BORCS5: variants seen among roughly 807,000 people sequenced by gnomAD.
The protein encoded by BORCS5 is BLOC-1-related complex subunit 5.
Under a neutral mutation model 22.1 loss-of-function variants are expected in BORCS5, and 17 were observed. The observed-to-expected ratio is 0.77, with a 90% confidence interval of 0.53 to 1.15. The LOEUF (loss-of-function observed/expected upper bound fraction) is 1.15, where lower values mean the gene tolerates loss of function less well. Ranked by LOEUF, BORCS5 falls within the 50% of genes most tolerant of loss-of-function variation. BORCS5 has a pLI of 0.00. For synonymous variants in BORCS5, 117 were observed against 99.8 expected, an observed-to-expected ratio of 1.17 and a Z score of -1.03; for missense variants, 247 against 253.2, an observed-to-expected ratio of 0.98 and a Z score of 0.17.
intron 1 of BORCS5, among the ~76,000 whole-genome samples, chr12:12,359,716 G>A (rs571366259): frequency 6.3e-4 from 95 of 151,412 alleles, no homozygotes; most frequent in African/African-American, 2.1e-3. Context: ...CTCGGGAATA[G>A]GCCAGTCATT....
intron 2 of BORCS5, among the ~76,000 whole-genome samples, chr12:12,374,213 G>A (rs187525790): frequency 0.019 from 2,882 of 151,474 alleles, 93 homozygotes; most frequent in African/African-American, 0.064. Flanking sequence ...GGATGGTCTC[G>A]ATCTCCTGAC....
intron 1 of BORCS5, among the ~76,000 whole-genome samples, chr12:12,358,090 A>C (rs1280195220): frequency 6.6e-6 from 1 of 152,206 alleles, no homozygotes; most frequent in Non-Finnish European, 1.5e-5. Flanking sequence ...AGACTTCTCT[A>C]AGCGTTTGAG....
intron 2 of BORCS5, among the ~76,000 whole-genome samples, chr12:12,369,839 C>T (rs1249349156): frequency 6.8e-6 from 1 of 148,114 alleles, no homozygotes; most frequent in Non-Finnish European, 1.5e-5. Flanking sequence ...ATTCTTGTGC[C>T]TCAGCCTCCC....
chr12:12,416,564 C>G (rs1407210050), intron 2 of BORCS5, among the ~76,000 whole-genome samples: 1 of 151,958 alleles, frequency 6.6e-6, no homozygotes, highest in East Asian at 1.9e-4. Context: ...CTACCTCAGC[C>G]TCCCAGTAAC....
intron 2 of BORCS5, among the ~76,000 whole-genome samples, chr12:12,393,642 C>G (rs1365453849): frequency 6.8e-6 from 1 of 147,742 alleles, no homozygotes. Flanking sequence ...GCCTCAACCT[C>G]CTGAGTAGCT....
chr12:12,377,367 A>G (rs777045999), intron 2 of BORCS5, among the ~76,000 whole-genome samples: 3 of 151,712 alleles, frequency 2.0e-5, no homozygotes, highest in Admixed American at 6.6e-5. Context: ...TTTAGTAGAG[A>G]TGGTTTTCAC....
chr12:12,424,930 T>C (rs1042692732), intron 2 of BORCS5, among the ~76,000 whole-genome samples: 1 of 152,330 alleles, frequency 6.6e-6, no homozygotes, highest in South Asian at 2.1e-4. Context: ...AAAAAAATGC[T>C]GCCCCCTTTA....
intron 3 of BORCS5, among the ~76,000 whole-genome samples, chr12:12,448,774 G>A (rs985254885): frequency 1.3e-5 from 2 of 151,958 alleles, no homozygotes; most frequent in Admixed American, 6.6e-5. Flanking sequence ...TGATCCTCCC[G>A]CCTCAGACTC....
intron 2 of BORCS5, among the ~76,000 whole-genome samples, chr12:12,409,628 A>T (rs977800326): frequency 6.6e-6 from 1 of 152,088 alleles, no homozygotes; most frequent in African/African-American, 2.4e-5. Context: ...CCAGTCTATC[A>T]TTGTTGGACA....
intron 3 of BORCS5, among the ~76,000 whole-genome samples, chr12:12,445,517 A>ATTTTTTTT (rs1942768077): frequency 5.2e-5 from 2 of 38,544 alleles, no homozygotes; most frequent in African/African-American, 1.2e-4. Context: ...TTTTTTTTTC[A>ATTTTTTTT]ATTTGAAATA....
At chr12:12,452,745 G>A (rs990583094) in intron 3 of BORCS5, among the ~76,000 whole-genome samples, 3 of 152,230 alleles carry the variant, frequency 2.0e-5, no homozygotes, top group Admixed American at 6.5e-5. Flanking sequence ...CATTGTGCTA[G>A]AGAGAGGCGT....
At chr12:12,451,218 G>A (rs1018888021) in intron 3 of BORCS5, among the ~76,000 whole-genome samples, 21 of 151,542 alleles carry the variant, frequency 1.4e-4, no homozygotes, top group African/African-American at 5.1e-4. Flanking sequence ...TTGAGTCAGA[G>A]GGTTGTAAAA....
At chr12:12,363,705 C>T (rs1052607190) in intron 2 of BORCS5, among the ~76,000 whole-genome samples, 5 of 151,812 alleles carry the variant, frequency 3.3e-5, no homozygotes, top group Admixed American at 1.3e-4. Flanking sequence ...CCACTGCACT[C>T]CAGCCTGGGT....
At chr12:12,435,225 T>G (rs1370936872) in intron 2 of BORCS5, among the ~76,000 whole-genome samples, 1 of 152,234 alleles carries the variant, frequency 6.6e-6, no homozygotes, top group African/African-American at 2.4e-5. Context: ...TATTCCCACA[T>G]TTTCAATTAA....
intron 3 of BORCS5, among the ~76,000 whole-genome samples, chr12:12,462,839 T>TA (rs1592145736): frequency 6.6e-6 from 1 of 152,022 alleles, no homozygotes; most frequent in East Asian, 1.9e-4. Flanking sequence ...TGTATTTTAA[T>TA]AGAGACGGAG....
At chr12:12,377,754 G>A (rs1863687194) in intron 2 of BORCS5, among the ~76,000 whole-genome samples, 1 of 152,146 alleles carries the variant, frequency 6.6e-6, no homozygotes, top group South Asian at 2.1e-4. Flanking sequence ...AGAGCTAGCG[G>A]TAGTGATCAA....
rs140147014 is a variant in BORCS5 at position 12,437,971 on chromosome 12, C to T, written c.360+2186C>T. The stretch of plus-strand genomic sequence containing the variant: ...TTCAAACTCCTCAGCTCAAGCGATC[C>T]TCCCGCCTCTGCCTCCCAAAGCACT... On this transcript the variant is annotated intron_variant, in intron 3 of 3. Transcript: ENST00000314565. Among the ~76,000 whole-genome samples, 931 of 152,156 alleles carry T rather than the reference C, an allele frequency of 6.1e-3. 10 individuals are homozygous for T. Among genetic ancestry groups the T allele is most frequent in the African/African-American group, 0.021 (884 of 41,498 alleles).
At chr12:12,405,488 A>AT (rs112952801) in intron 2 of BORCS5, among the ~76,000 whole-genome samples, 55 of 152,212 alleles carry the variant, frequency 3.6e-4, no homozygotes, top group African/African-American at 1.2e-3. Flanking sequence ...CATCACTGTG[A>AT]TTTTTTTATT....
At chr12:12,458,989 AAGAG>A (rs1174089335) in intron 3 of BORCS5, among the ~76,000 whole-genome samples, 1 of 151,896 alleles carries the variant, frequency 6.6e-6, no homozygotes, top group Non-Finnish European at 1.5e-5. Flanking sequence ...AATTAAAAAA[AAGAG>A]AGAGATAGTC....
Sources: allele counts gnomAD v4.1 joint callset (sites outside exome capture counted in the v4.1 genomes callset), GRCh38; gene constraint gnomAD v4.1.1; transcripts MANE v1.5; gene names NCBI Gene and HGNC (gene_info 2026-07-23, HGNC 2026-07-21).